The following MBD5 variants were observed in gnomAD, a reference collection of about 807,000 sequenced individuals.
MBD5 encodes methyl-CpG binding domain protein 5, also known as methyl-CpG-binding domain protein 5.
In MBD5, 13 loss-of-function variants were observed where a neutral mutation model predicts 117.3. The ratio of observed to expected loss-of-function variants is 0.11; its 90% CI spans 0.07 to 0.18. The LOEUF (loss-of-function observed/expected upper bound fraction) is 0.18. Ranked by LOEUF, MBD5 falls within the 10% of genes least tolerant of loss-of-function variation. The pLI is 1.00. For synonymous variants in MBD5, 727 were observed against 766.4 expected (o/e 0.95, Z 0.85); for missense variants, 1,879 against 2,093.8 (o/e 0.90, Z 2.00).
intron 4 of MBD5, among the ~76,000 whole-genome samples, chr2:148,355,833 T>C (rs1703367446): frequency 1.3e-5 from 2 of 152,238 alleles, no homozygotes; most frequent in Non-Finnish European, 2.9e-5. Context: ...AATGGTAGCT[T>C]GGTGGGAATA....
chr2:148,401,892 A>G (rs1036168079), intron 4 of MBD5, among the ~76,000 whole-genome samples: 2 of 151,996 alleles, frequency 1.3e-5, no homozygotes, highest in East Asian at 3.9e-4. Context: ...TACTTTCATG[A>G]CCTTGACACT....
intron 11 of MBD5, among the ~76,000 whole-genome samples, chr2:148,498,536 C>T (rs188778198): frequency 6.6e-6 from 1 of 152,124 alleles, no homozygotes; most frequent in African/African-American, 2.4e-5. Flanking sequence ...CAGAGTTTTA[C>T]CATGTTGGCC....
intron 3 of MBD5, among the ~76,000 whole-genome samples, chr2:148,334,732 T>C (rs62182838): frequency 0.052 from 7,909 of 152,272 alleles, 268 homozygotes; most frequent in African/African-American, 0.087. Flanking sequence ...CTACCATCTT[T>C]ATGAATAATA....
intron 3 of MBD5, among the ~76,000 whole-genome samples, chr2:148,236,356 C>G (rs1039808470): frequency 6.6e-6 from 1 of 152,100 alleles, no homozygotes; most frequent in Non-Finnish European, 1.5e-5. Context: ...TTAAAAAATA[C>G]ATTTCTTAAG....
intron 4 of MBD5, among the ~76,000 whole-genome samples, chr2:148,447,191 G>GAAAGAAAGAAAGAAAGA (rs1559075617): frequency 3.1e-4 from 3 of 9,538 alleles, no homozygotes; most frequent in Non-Finnish European, 3.2e-3. Context: ...AAGAAAGAAA[G>GAAAGAAAGAAAGAAAGA]AAAGAAAGAA....
Position 148,512,963 on chromosome 2 carries a change from G to A in MBD5, c.*22G>A, listed in dbSNP as rs770071451. On this transcript the variant is annotated 3_prime_UTR_variant, in exon 14 of 14. Transcript: ENST00000642680. ...ATAACAGAGACTACTCCACTAATGC[G>A]CAGTGTTTATTAAAGGAACATGCAC... is the stretch of plus-strand genomic sequence containing the variant. The A allele has an allele frequency of 3.8e-5, 61 of 1,599,568 alleles. No homozygotes were observed. The highest frequency in any genetic ancestry group is 1.3e-4 in the South Asian group (12 of 90,770).
At chr2:148,105,685 A>T (rs902407950) in intron 1 of MBD5, among the ~76,000 whole-genome samples, 14 of 151,668 alleles carry the variant, frequency 9.2e-5, no homozygotes, top group Admixed American at 2.6e-4. Context: ...TATTTTCTAT[A>T]TCATTAATTT....
chr2:148,407,504 A>G (rs1320680592), intron 4 of MBD5, among the ~76,000 whole-genome samples: 2 of 152,124 alleles, frequency 1.3e-5, no homozygotes, highest in Admixed American at 1.3e-4. Context: ...TAAAACCGTG[A>G]TTGAAAATAT....
chr2:148,264,242 C>T (rs1700799743), intron 3 of MBD5: 1 of 152,048 alleles, frequency 6.6e-6, no homozygotes, highest in Admixed American at 6.6e-5. Context: ...CTGTGTGCTA[C>T]AATCGCTTAA....
intron 2 of MBD5, among the ~76,000 whole-genome samples, chr2:148,228,213 T>C (rs1699887026): frequency 3.9e-5 from 6 of 152,156 alleles, no homozygotes; most frequent in Admixed American, 3.3e-4. Flanking sequence ...ATGCTTCCAG[T>C]TTTTGTCCAT....
At position 148,483,978 on chromosome 2, in the gene MBD5, G is replaced by A. The variant is rs115809230; in HGVS notation, c.3387G>A (p.Leu1129=). ...TTTTSSAVAA[L]TVSTLGGTAV... ...CTACATCATCAGCAGTGGCAGCACT[G>A]ACTGTCTCAACACTTGGTGGGACAG... is the stretch of plus-strand genomic sequence containing the variant. The change falls in exon 9 of 14, where the codon CTG becomes CTA. Residue 1129 remains leucine (L), a synonymous_variant. Coordinates refer to ENST00000642680, the MANE Select transcript of MBD5 (RefSeq NM_001378120.1). 1 of 1,550,458 alleles carries A rather than the reference G, an allele frequency of 6.4e-7. No homozygotes were observed. The highest frequency in any genetic ancestry group is 1.4e-5 in the African/African-American group (1 of 73,142).
chr2:148,184,942 C>G (rs1698617586), intron 2 of MBD5, among the ~76,000 whole-genome samples: 1 of 152,136 alleles, frequency 6.6e-6, no homozygotes, highest in African/African-American at 2.4e-5. Flanking sequence ...GCAGCCAAAG[C>G]TATTTATTGT....
chr2:148,142,659 G>A (rs1697346801), intron 1 of MBD5, among the ~76,000 whole-genome samples: 1 of 152,092 alleles, frequency 6.6e-6, no homozygotes, highest in South Asian at 2.1e-4. Flanking sequence ...CCAGGAAAGG[G>A]GCAAAGAAAA....
In MBD5 at chr2:148,096,549, C is replaced by T. The variant is rs1009292054; in HGVS notation, c.-925+74865C>T. Among the ~76,000 whole-genome samples, 9 of 152,224 alleles carry T rather than the reference C, an allele frequency of 5.9e-5. No homozygotes were observed. In the South Asian group the frequency reaches 8.3e-4, roughly 14 times the overall value. On this transcript the variant is annotated intron_variant, in intron 1 of 13. Coordinates refer to ENST00000642680, the MANE Select transcript of MBD5 (RefSeq NM_001378120.1). Reference sequence around the variant, plus strand: ...CTGAGTGAAGTGGCCAACACTTGAACCTGGATGTTCTGACACCAAGCCATT... The same window carrying T: ...CTGAGTGAAGTGGCCAACACTTGAATCTGGATGTTCTGACACCAAGCCATT...
chr2:148,093,094 T>C (rs1410916695), intron 1 of MBD5, among the ~76,000 whole-genome samples: 3 of 152,108 alleles, frequency 2.0e-5, no homozygotes, highest in East Asian at 3.9e-4. Context: ...GTATTTTTAG[T>C]AGAACAGGGT....
At chr2:148,118,560 G>A (rs547214302) in intron 1 of MBD5, among the ~76,000 whole-genome samples, 98 of 151,546 alleles carry the variant, frequency 6.5e-4, no homozygotes, top group Non-Finnish European at 1.2e-3. Context: ...AGTGAGCTAT[G>A]ACTGTGGCTC....
chr2:148,445,231 C>T (rs905137532), intron 4 of MBD5, among the ~76,000 whole-genome samples: 7 of 151,122 alleles, frequency 4.6e-5, no homozygotes, highest in Non-Finnish European at 1.0e-4. Context: ...TGGTGTGCTG[C>T]ACCCATTAAC....
At chr2:148,133,286 A>C (rs970347059) in intron 1 of MBD5, among the ~76,000 whole-genome samples, 2 of 152,202 alleles carry the variant, frequency 1.3e-5, no homozygotes, top group Non-Finnish European at 2.9e-5. Context: ...AATGCCATTT[A>C]AGGCATGTTA....
intron 1 of MBD5, among the ~76,000 whole-genome samples, chr2:148,096,356 A>G (rs1696066846): frequency 6.6e-6 from 1 of 152,084 alleles, no homozygotes; most frequent in Non-Finnish European, 1.5e-5. Flanking sequence ...CAGGTCATGG[A>G]TGCTGCTAAA....
Sources: gnomAD v4.1 joint callset for allele counts (sites outside exome capture counted in the v4.1 genomes callset) on GRCh38, gnomAD v4.1.1 for gene constraint, MANE v1.5 for transcripts, NCBI Gene and HGNC (gene_info 2026-07-23, HGNC 2026-07-21) for gene names.